The following CPS1 variants were observed in gnomAD, a reference collection of about 807,000 sequenced individuals.
The protein encoded by CPS1 is carbamoyl-phosphate synthase 1.
A neutral mutation model predicts 174.6 loss-of-function variants in CPS1; 109 were observed. The ratio of observed to expected loss-of-function variants is 0.62; its 90% confidence interval spans 0.53 to 0.73. CPS1 has a LOEUF of 0.73. Ranked by LOEUF, CPS1 falls within the 30% of genes least tolerant of loss-of-function variation. The pLI is 0.00. For missense variants in CPS1, 1,689 were observed against 1,821.9 expected (o/e 0.93, Z 1.33); for synonymous variants, 637 against 632.0 (o/e 1.01, Z -0.12).
At chr2:210,493,092 T>C (rs1477542845) in intron 1 of CPS1, among the ~76,000 whole-genome samples, 3 of 152,222 alleles carry the variant, frequency 2.0e-5, no homozygotes, top group Non-Finnish European at 4.4e-5. Flanking sequence ...GAAAACTAAA[T>C]TTCAGTTATA....
intron 17 of CPS1, among the ~76,000 whole-genome samples, chr2:210,605,991 T>A (rs1698894576): frequency 1.3e-5 from 2 of 152,050 alleles, no homozygotes; most frequent in South Asian, 4.1e-4. Context: ...CAGGTAGTAC[T>A]GTACCAACTA....
Position 210,671,082 on chromosome 2 carries a change from G to C in CPS1, c.4101+2798G>C, listed in dbSNP as rs1701285645. ...GCATTAGGATTTATTTTTAGTTGCTGTGAGTAGGCAATCTGCCTTGTTTTG... is the reference window on the plus strand; with the variant it reads ...GCATTAGGATTTATTTTTAGTTGCTCTGAGTAGGCAATCTGCCTTGTTTTG... On this transcript the variant is annotated intron_variant, in intron 34 of 37. Coordinates refer to ENST00000233072, the MANE Select transcript of CPS1 (RefSeq NM_001875.5). Among the ~76,000 whole-genome samples, 3 of 152,278 alleles carry C rather than the reference G, an allele frequency of 2.0e-5. No individual in the cohort carries two copies. The South Asian group carries it at 6.2e-4, about 32-fold the overall frequency.
chr2:210,488,946 T>G (rs1559732285), intron 1 of CPS1, among the ~76,000 whole-genome samples: 1 of 152,158 alleles, frequency 6.6e-6, no homozygotes, highest in African/African-American at 2.4e-5. Context: ...GGGCTTCAGA[T>G]TCATACTCAT....
At chr2:210,564,461 C>T (rs371877816) in intron 1 of CPS1, among the ~76,000 whole-genome samples, 9 of 151,916 alleles carry the variant, frequency 5.9e-5, no homozygotes, top group Admixed American at 3.3e-4. Flanking sequence ...CTGCAAGGTC[C>T]GCCTCCGGGG....
At chr2:210,566,580 CACTT>C (rs1451018052) in intron 1 of CPS1, among the ~76,000 whole-genome samples, 2 of 152,166 alleles carry the variant, frequency 1.3e-5, no homozygotes, top group African/African-American at 2.4e-5. Context: ...TTTTAATCCT[CACTT>C]ACGAAATTGG....
chr2:210,517,737 T>A (rs1544717), intron 1 of CPS1, among the ~76,000 whole-genome samples: 91,453 of 151,718 alleles, frequency 0.6, 28,122 homozygotes, highest in South Asian at 0.68. Context: ...ATGTAGCTTT[T>A]GAATTTTTTT....
intron 21 of CPS1, among the ~76,000 whole-genome samples, chr2:210,633,424 T>G (rs2105890193): frequency 6.6e-6 from 1 of 152,308 alleles, no homozygotes; most frequent in East Asian, 1.9e-4. Context: ...GTGTTCAGTT[T>G]TATTAGTAGG....
At chr2:210,535,258 G>A (rs1246560525) in intron 1 of CPS1, among the ~76,000 whole-genome samples, 1 of 152,126 alleles carries the variant, frequency 6.6e-6, no homozygotes, top group Non-Finnish European at 1.5e-5. Flanking sequence ...CTGAGTGAGG[G>A]GTTTTCCCAA....
In CPS1 at chr2:210,600,704, G is replaced by C. The variant is rs374335271; in HGVS notation, c.1699G>C (p.Val567Leu). ...TGAAAAGATTGCTCCAAGTTTTGCA[G>C]TGGAATCGGTAAGGATTCTTTGCTT... ...INEKIAPSFA[V>L]ESIEDALKAA... The change falls in exon 15 of 38, where the codon GTG becomes CTG. Residue 567 changes from valine to leucine, a missense_variant. Transcript: ENST00000233072. 9.9e-6 allele frequency: 16 copies of C among 1,611,784 alleles called. No individual in the cohort carries two copies. Among genetic ancestry groups the C allele is most frequent in the Non-Finnish European group, 1.4e-5 (16 of 1,178,572 alleles).
At position 210,637,732 on chromosome 2, in the gene CPS1, G is replaced by A; in HGVS notation, c.2718G>A (p.Arg906=). The A allele has an allele frequency of 2.5e-6, 4 of 1,613,950 alleles. No individual in the cohort carries two copies. In the African/African-American group the frequency reaches 5.3e-5, roughly 22 times the overall value. The change falls in exon 22 of 38, where the codon AGG becomes AGA. Residue 906 remains arginine (R), a synonymous_variant. Transcript: ENST00000233072. ...CCATGACAGAAGAAACCCTGAAAAG[G>A]GCAAAGGAGATTGGGTTCTCAGATA... ...SESMTEETLK[R]AKEIGFSDKQ... is the part of the protein sequence containing the mutation.
chr2:210,548,303 T>G (rs1300761365), intron 1 of CPS1, among the ~76,000 whole-genome samples: 1 of 152,192 alleles, frequency 6.6e-6, no homozygotes, highest in East Asian at 1.9e-4. Flanking sequence ...TATACACAAA[T>G]TTTTGAAATC....
At chr2:210,483,801 T>G (rs977879179) in intron 1 of CPS1, among the ~76,000 whole-genome samples, 1 of 152,222 alleles carries the variant, frequency 6.6e-6, no homozygotes, top group African/African-American at 2.4e-5. Flanking sequence ...ATTATACCTG[T>G]TTCCATGTAT....
At chr2:210,646,935 AT>A (rs367904740) in intron 25 of CPS1, among the ~76,000 whole-genome samples, 3,191 of 147,290 alleles carry the variant, frequency 0.022, 119 homozygotes, top group African/African-American at 0.071. Flanking sequence ...TTAGTGGACT[AT>A]TTTTTTTTTT....
chr2:210,532,295 A>C (rs1178764539), intron 1 of CPS1, among the ~76,000 whole-genome samples: 1 of 152,136 alleles, frequency 6.6e-6, no homozygotes, highest in Admixed American at 6.6e-5. Context: ...TTAGTCTTTG[A>C]CCTTGGAGCT....
chr2:210,516,050 C>T (rs1695674583), intron 1 of CPS1, among the ~76,000 whole-genome samples: 1 of 151,652 alleles, frequency 6.6e-6, no homozygotes, highest in South Asian at 2.1e-4. Flanking sequence ...CTGTTTCATT[C>T]CACTGCGGTG....
At chr2:210,566,666 G>A (rs537475260) in intron 1 of CPS1, among the ~76,000 whole-genome samples, 16 of 152,258 alleles carry the variant, frequency 1.1e-4, no homozygotes, top group Admixed American at 2.6e-4. Context: ...TTCAGAAACC[G>A]CTGCTCTTCC....
At chr2:210,661,797 T>C (rs1700930218) in intron 32 of CPS1, among the ~76,000 whole-genome samples, 1 of 152,072 alleles carries the variant, frequency 6.6e-6, no homozygotes, top group South Asian at 2.1e-4. Context: ...TATATATGGA[T>C]TTTAAGTTCA....
chr2:210,545,668 A>C (rs879722233), intron 1 of CPS1, among the ~76,000 whole-genome samples: 1 of 152,056 alleles, frequency 6.6e-6, no homozygotes, highest in Non-Finnish European at 1.5e-5. Context: ...TATTTTAAAA[A>C]TATATATTAA....
rs116664530 is a variant in CPS1 at position 210,639,132 on chromosome 2, A to G, written c.2830-18A>G. On this transcript the variant is annotated intron_variant, in intron 22 of 37. Coordinates refer to ENST00000233072, the MANE Select transcript of CPS1 (RefSeq NM_001875.5). ...AATAACATTCTTATTTGTTTATTTT[A>G]TTTGTTTTCTCTTACAGATTGATAC... 39,823 of 1,596,772 alleles carry G rather than the reference A, an allele frequency of 0.025. 630 individuals are homozygous for G. The highest frequency in any genetic ancestry group is 0.051 in the Admixed American group (3,030 of 59,776).
Sources: allele counts gnomAD v4.1 joint callset (sites outside exome capture counted in the v4.1 genomes callset), GRCh38; gene constraint gnomAD v4.1.1; transcripts MANE v1.5; gene names NCBI Gene and HGNC (gene_info 2026-07-23, HGNC 2026-07-21).